ASAP2: variants seen among roughly 807,000 people sequenced by gnomAD.
The protein encoded by ASAP2 is arf-GAP with SH3 domain, ANK repeat and PH domain-containing protein 2.
ASAP2 carries 45 observed loss-of-function variants against 131.4 expected under a neutral mutation model. The observed-to-expected ratio is 0.34, with a 90% confidence interval of 0.27 to 0.44. The LOEUF (loss-of-function observed/expected upper bound fraction) is 0.44, where lower values mean the gene tolerates loss of function less well. ASAP2 is among the 20% of genes least tolerant of loss of function. The probability of loss-of-function intolerance (pLI) is 1.00; values close to 1 mark genes in which losing one functional copy is unlikely to be tolerated. For missense variants in ASAP2, 1,011 were observed against 1,297.0 expected, an observed-to-expected ratio of 0.78 and a Z score of 3.39; for synonymous variants, 510 against 503.0, an observed-to-expected ratio of 1.01 and a Z score of -0.19.
chr2:9,285,176 A>G (rs1222877527), intron 2 of ASAP2, among the ~76,000 whole-genome samples: 1 of 152,196 alleles, frequency 6.6e-6, no homozygotes, highest in Non-Finnish European at 1.5e-5. Context: ...GAATCCCTGC[A>G]TTAGAGCAGT....
At chr2:9,236,282 G>A (rs762979328) in intron 1 of ASAP2, among the ~76,000 whole-genome samples, 1 of 152,090 alleles carries the variant, frequency 6.6e-6, no homozygotes, top group Non-Finnish European at 1.5e-5. Flanking sequence ...AGGTAATCAA[G>A]TGCCACGAAG....
intron 2 of ASAP2, among the ~76,000 whole-genome samples, chr2:9,285,929 C>T (rs1484652661): frequency 1.3e-5 from 2 of 152,160 alleles, no homozygotes; most frequent in Non-Finnish European, 2.9e-5. Flanking sequence ...GAGAATACAA[C>T]AACTTTGTGT....
Position 9,374,967 on chromosome 2 carries a change from C to CT in ASAP2, c.1746+26dup, listed in dbSNP as rs761236027. ...CATGTAAGAGTGTGGGTTGTTGCTA[C>CT]TTTAAAAAAAAAAAAAAGGCCGGCC... On this transcript the variant is annotated intron_variant, in intron 17 of 27. Transcript: ENST00000281419. 12 of 1,423,782 alleles carry CT rather than the reference C, an allele frequency of 8.4e-6. No homozygotes were observed. The East Asian group carries it at 2.5e-4, about 29-fold the overall frequency. The allele number at this position is 1,423,782 out of a possible 1,614,324, so 88.2% of individuals were successfully genotyped here. A position where few individuals can be genotyped will look rare whatever the true frequency, so the allele number is the denominator to read the frequency against.
At chr2:9,233,287 A>G (rs1183048749) in intron 1 of ASAP2, among the ~76,000 whole-genome samples, 4 of 152,326 alleles carry the variant, frequency 2.6e-5, no homozygotes, top group Middle Eastern at 3.4e-3. Flanking sequence ...AAGCCGTACT[A>G]TGTTGAGGTC....
intron 1 of ASAP2, among the ~76,000 whole-genome samples, chr2:9,266,456 C>T (rs895951808): frequency 3.9e-5 from 6 of 152,122 alleles, no homozygotes; most frequent in East Asian, 1.9e-4. Context: ...GCCTTTTCAT[C>T]TTCTGCAGAG....
intron 20 of ASAP2, among the ~76,000 whole-genome samples, chr2:9,383,141 G>A (rs529740679): frequency 6.6e-6 from 1 of 152,166 alleles, no homozygotes; most frequent in Non-Finnish European, 1.5e-5. Context: ...GTCAGGTTCA[G>A]TGGAGTCAGT....
At chr2:9,293,142 A>G (rs1179898160) in intron 2 of ASAP2, among the ~76,000 whole-genome samples, 1 of 152,182 alleles carries the variant, frequency 6.6e-6, no homozygotes, top group Non-Finnish European at 1.5e-5. Flanking sequence ...AACAAAACCT[A>G]GTCATTGCCT....
chr2:9,352,246 CAA>C lies in ASAP2; in HGVS notation c.1111+1353_1111+1354del, dbSNP rs1491428298. ...ACACACACACACACACACACACACA[CAA>C]ACACACACACCACTGCTGGGATACC... On this transcript the variant is annotated intron_variant, in intron 12 of 27. Coordinates refer to ENST00000281419, the MANE Select transcript of ASAP2 (RefSeq NM_003887.3). Among the ~76,000 whole-genome samples the C allele has an allele frequency of 8.5e-4, 114 of 134,212 alleles. 1 individual carries two copies. The highest frequency in any genetic ancestry group is 3.1e-3 in the African/African-American group (109 of 35,642). 88.0% of individuals were successfully genotyped at this position (134,212 alleles called of 152,430 possible). A position where few individuals can be genotyped will look rare whatever the true frequency, so the allele number is the denominator to read the frequency against.
At chr2:9,334,861 A>G (rs1671093202) in intron 8 of ASAP2, 48 bp downstream of exon 8, 1 of 1,552,200 alleles carries the variant, frequency 6.4e-7, no homozygotes, top group Non-Finnish European at 8.9e-7. Context: ...TTAATGCAAC[A>G]GACATTTTCA....
intron 11 of ASAP2, among the ~76,000 whole-genome samples, chr2:9,349,257 G>A (rs1672176689): frequency 6.6e-6 from 1 of 152,136 alleles, no homozygotes; most frequent in Non-Finnish European, 1.5e-5. Context: ...AGATATAGGA[G>A]TTATTCCTAT....
At chr2:9,307,094 C>T (rs145131887) in intron 3 of ASAP2, among the ~76,000 whole-genome samples, 58 of 152,324 alleles carry the variant, frequency 3.8e-4, no homozygotes, top group African/African-American at 1.3e-3. Context: ...GTTAGAAATG[C>T]GCAGCCCCAG....
chr2:9,274,229 C>T (rs1252067921), intron 1 of ASAP2, among the ~76,000 whole-genome samples: 1 of 151,500 alleles, frequency 6.6e-6, no homozygotes, highest in Non-Finnish European at 1.5e-5. Flanking sequence ...TTTGGAGGCC[C>T]TTTATTTCTT....
chr2:9,381,726 C>T (rs911789825), intron 20 of ASAP2, among the ~76,000 whole-genome samples: 1 of 152,132 alleles, frequency 6.6e-6, no homozygotes. Flanking sequence ...AACAGAGCAA[C>T]ACGCCATCTC....
chr2:9,302,568 G>A (rs1416054581), intron 3 of ASAP2, among the ~76,000 whole-genome samples: 1 of 151,984 alleles, frequency 6.6e-6, no homozygotes, highest in African/African-American at 2.4e-5. Flanking sequence ...TCCGCCTCCC[G>A]GGTTCCAGCT....
At chr2:9,238,625 G>C (rs187719958) in intron 1 of ASAP2, among the ~76,000 whole-genome samples, 22 of 152,298 alleles carry the variant, frequency 1.4e-4, no homozygotes, top group African/African-American at 5.1e-4. Context: ...GGGGAGGAGA[G>C]GCTGAGGCAA....
rs1171661319 is a variant in ASAP2 at position 9,367,027 on chromosome 2, ATT to A, written c.1462-1381_1462-1380del. 2.8e-3 allele frequency among the ~76,000 whole-genome samples: 377 copies of A among 132,856 alleles called. 2 individuals carry two copies. Among genetic ancestry groups the A allele is most frequent in the African/African-American group, 0.011 (342 of 32,318 alleles). 87.2% of individuals were successfully genotyped at this position (132,856 alleles called of 152,430 possible). A position where few individuals can be genotyped will look rare whatever the true frequency, so the allele number is the denominator to read the frequency against. On this transcript the variant is annotated intron_variant, in intron 15 of 27. Transcript: ENST00000281419. ...GTTTGTTAACTCCTTTGCCTGCATA[ATT>A]TTTTTTTTTTTTTTTTGTAGAGATG... is the stretch of plus-strand genomic sequence containing the variant.
chr2:9,261,992 C>T (rs867947199), intron 1 of ASAP2, among the ~76,000 whole-genome samples: 4 of 152,168 alleles, frequency 2.6e-5, no homozygotes, highest in Admixed American at 2.6e-4. Flanking sequence ...GTCAGAAACA[C>T]CTGAGCACAC....
intron 2 of ASAP2, among the ~76,000 whole-genome samples, chr2:9,285,878 T>C (rs1451832129): frequency 1.3e-5 from 2 of 152,234 alleles, no homozygotes; most frequent in African/African-American, 4.8e-5. Flanking sequence ...AATGCTGATT[T>C]TCCCTCAAAT....
intron 20 of ASAP2, among the ~76,000 whole-genome samples, chr2:9,381,723 C>T (rs555995904): frequency 6.6e-6 from 1 of 152,136 alleles, no homozygotes; most frequent in South Asian, 2.1e-4. Flanking sequence ...GGCAACAGAG[C>T]AACACGCCAT....
Sources: gnomAD v4.1 joint callset for allele counts (sites outside exome capture counted in the v4.1 genomes callset) on GRCh38, gnomAD v4.1.1 for gene constraint, MANE v1.5 for transcripts, NCBI Gene and HGNC (gene_info 2026-07-23, HGNC 2026-07-21) for gene names.